The following DENND2C variants were observed in gnomAD, a reference collection of about 807,000 sequenced individuals.
DENND2C encodes the protein DENN domain-containing protein 2C.
In DENND2C, 72 loss-of-function variants were observed where a neutral mutation model predicts 112.4. The ratio of observed to expected loss-of-function variants is 0.64; its 90% confidence interval spans 0.53 to 0.78. The LOEUF is 0.78. Ranked by LOEUF, DENND2C falls within the 30% of genes least tolerant of loss-of-function variation. The pLI is 0.00. For synonymous variants in DENND2C, 329 were observed against 381.6 expected (o/e 0.86, Z 1.61); for missense variants, 992 against 1,113.8 (o/e 0.89, Z 1.56).
chr1:114,601,700 C>G, intron 12 of DENND2C, 115 bp from the exon 13 acceptor site: 3 of 834,026 alleles, frequency 3.6e-6, no homozygotes, highest in Non-Finnish European at 5.6e-6. Flanking sequence ...GTAACCAAGG[C>G]TCTCATCTTT....
intron 2 of DENND2C, among the ~76,000 whole-genome samples, chr1:114,651,354 A>T (rs960351637): frequency 1.3e-5 from 2 of 151,708 alleles, no homozygotes; most frequent in African/African-American, 4.8e-5. Flanking sequence ...CAGGAGGCTA[A>T]GGCAGGTGGA....
In DENND2C at chr1:114,608,857, T is replaced by G; in HGVS notation, c.1386A>C (p.Leu462Phe). Residue 462 changes from leucine (L) to phenylalanine (F), a missense_variant, in exon 10 of 21, where the codon TTA becomes TTC. Transcript: ENST00000393274. ...TCTTGGAAGACGGTTGCAGTTGTGC[T>G]AAGCGTTTATGGCGATCTGTAATGA... ...EYLPKNRHKR[L>F]AQLQPSSKRN... is the part of the protein sequence containing the mutation. The G allele has an allele frequency of 6.2e-7, 1 of 1,614,228 alleles. No individual in the cohort carries two copies. The highest frequency in any genetic ancestry group is 8.5e-7 in the Non-Finnish European group (1 of 1,180,036).
At chr1:114,611,937 C>A (rs887765300) in intron 8 of DENND2C, among the ~76,000 whole-genome samples, 2 of 152,056 alleles carry the variant, frequency 1.3e-5, no homozygotes, top group Admixed American at 6.6e-5. Context: ...ATTATATAAA[C>A]TTGTATCTAA....
intron 3 of DENND2C, among the ~76,000 whole-genome samples, chr1:114,638,025 C>T (rs932441711): frequency 2.0e-5 from 3 of 152,084 alleles, no homozygotes; most frequent in Admixed American, 6.6e-5. Context: ...AGCTGGAGGG[C>T]ATAGACTACC....
chr1:114,629,658 T>C (rs1172527416), intron 3 of DENND2C, among the ~76,000 whole-genome samples: 1 of 152,210 alleles, frequency 6.6e-6, no homozygotes, highest in African/African-American at 2.4e-5. Context: ...TTATTTTCTA[T>C]TGCTCTTCTG....
In DENND2C at chr1:114,584,640, A is replaced by G. The variant is rs1048617174; in HGVS notation, c.*960T>C. On this transcript the variant is annotated 3_prime_UTR_variant, in exon 21 of 21. Transcript: ENST00000393274. ...ATAAGGTTGATTTAAGGATTGGTTG[A>G]GATGATATGCATACATATACCACAG... 6.6e-6 allele frequency: 1 copy of G among 152,204 alleles called. No individual in the cohort carries two copies. Among genetic ancestry groups the G allele is most frequent in the Admixed American group, 6.5e-5 (1 of 15,274 alleles). The allele number at this position is 152,204 out of a possible 1,614,324, so 9.4% of individuals were successfully genotyped here. A position where few individuals can be genotyped will look rare whatever the true frequency, so the allele number is the denominator to read the frequency against.
rs1238078887 is a variant in DENND2C, at chr1:114,656,389, TTTTC to T, written c.-573-1632_-573-1629del. On this transcript the variant is annotated intron_variant, in intron 1 of 20. Coordinates refer to ENST00000393274, the MANE Select transcript of DENND2C (RefSeq NM_001256404.2). Reference sequence around the variant, plus strand: ...ATGTTCAGCCTGTTATAAACATTCTTTTTCTTTCTTTCTTTTTTTTTTTTTTGAG... The same window carrying T: ...ATGTTCAGCCTGTTATAAACATTCTTTTTCTTTCTTTTTTTTTTTTTTGAG... Among the ~76,000 whole-genome samples, 43 of 139,910 alleles carry T rather than the reference TTTTC, an allele frequency of 3.1e-4. No homozygotes were observed. In the East Asian group the frequency reaches 8.9e-3, roughly 29 times the overall value. The allele number at this position is 139,910 out of a possible 152,430, so 91.8% of individuals were successfully genotyped here.
chr1:114,652,081 G>A (rs1214040085), intron 2 of DENND2C, among the ~76,000 whole-genome samples: 1 of 152,218 alleles, frequency 6.6e-6, no homozygotes, highest in East Asian at 1.9e-4. Context: ...GTATTGGCAA[G>A]TGGACCTTGG....
chr1:114,640,895 AT>A (rs1656818864), intron 3 of DENND2C, among the ~76,000 whole-genome samples: 1 of 152,214 alleles, frequency 6.6e-6, no homozygotes, highest in Non-Finnish European at 1.5e-5. Flanking sequence ...ACAGCCTTTG[AT>A]TTTTTAATTA....
rs145627900 is a variant in DENND2C at position 114,600,436 on chromosome 1, A to G, written c.1957-84T>C. ...ACGCTATGGATCCTGTTATTCTTATATAAGTTAAATTCAAGAAAGGTCTGC... is the reference window on the plus strand; with the variant it reads ...ACGCTATGGATCCTGTTATTCTTATGTAAGTTAAATTCAAGAAAGGTCTGC... On this transcript the variant is annotated intron_variant, in intron 14 of 20. Coordinates refer to ENST00000393274, the MANE Select transcript of DENND2C (RefSeq NM_001256404.2). 2,205 of 1,518,796 alleles carry G rather than the reference A, an allele frequency of 1.5e-3. 22 individuals carry two copies. The African/African-American group carries it at 0.023, about 16-fold the overall frequency. The allele number at this position is 1,518,796 out of a possible 1,614,324, so 94.1% of individuals were successfully genotyped here.
At position 114,584,479 on chromosome 1, in the gene DENND2C, G is replaced by A. The variant is rs1015324571; in HGVS notation, c.*1121C>T. On this transcript the variant is annotated 3_prime_UTR_variant, in exon 21 of 21. Transcript: ENST00000393274. ...TTTAGTAGAGACAGAGTTTCACCAT[G>A]TTGCCAGGCTGGTCTCGAACTCCTG... The A allele has an allele frequency of 5.3e-5, 8 of 152,106 alleles. No homozygotes were observed. Among genetic ancestry groups the A allele is most frequent in the Non-Finnish European group, 1.0e-4 (7 of 68,070 alleles). The allele number at this position is 152,106 out of a possible 1,614,324, so 9.4% of individuals were successfully genotyped here. A position where few individuals can be genotyped will look rare whatever the true frequency, so the allele number is the denominator to read the frequency against.
chr1:114,608,691 C>A lies in DENND2C; in HGVS notation c.1552G>T (p.Gly518Cys), dbSNP rs1394165209. ...CTTGGCCTCCTTGTGCCTACCTTGC[C>A]AGGGAATTGTTGTATGACCTGGGGA... Reference protein sequence around the residue: ...YIPQVIQQFPGKDDHGYKQSK... With the variant: ...YIPQVIQQFPCKDDHGYKQSK... Residue 518 changes from glycine (G) to cysteine (C), a missense_variant, in exon 10 of 21, where the codon GGC becomes TGC. Transcript: ENST00000393274. 1.2e-6 allele frequency: 2 copies of A among 1,613,182 alleles called. No individual in the cohort carries two copies. Among genetic ancestry groups the A allele is most frequent in the Middle Eastern group, 1.7e-4 (1 of 6,050 alleles).
intron 2 of DENND2C, among the ~76,000 whole-genome samples, chr1:114,647,893 T>C (rs969335953): frequency 6.6e-6 from 1 of 152,116 alleles, no homozygotes; most frequent in African/African-American, 2.4e-5. Flanking sequence ...CTGCAAACTC[T>C]GCTTCCCAGG....
intron 20 of DENND2C, chr1:114,586,594 G>A (rs1398728064): frequency 6.6e-6 from 1 of 151,958 alleles, no homozygotes; most frequent in East Asian, 1.9e-4. Flanking sequence ...TAGCATCATG[G>A]TTTATGGTCA....
At position 114,600,885 on chromosome 1, in the gene DENND2C, C is replaced by T. The variant is rs925024580; in HGVS notation, c.1891G>A (p.Ala631Thr). 1.9e-6 allele frequency: 3 copies of T among 1,614,092 alleles called. No individual in the cohort carries two copies. Among genetic ancestry groups the T allele is most frequent in the Non-Finnish European group, 2.5e-6 (3 of 1,179,976 alleles). Residue 631 changes from alanine to threonine, a missense_variant, in exon 14 of 21, where the codon GCT becomes ACT. This residue lies in a region of DENND2C where 516 missense variants were observed against 623.6 expected (regional missense o/e 0.83). Transcript: ENST00000393274. ...VYPFMRSVME[A>T]PFPAPGRTIT... ...GTGCGTCCAGGAGCTGGGAAAGGAG[C>T]TTCCATGACACTTCGCATGAATGGG...
In DENND2C at chr1:114,585,477, T is replaced by G; in HGVS notation, c.*123A>C. On this transcript the variant is annotated 3_prime_UTR_variant, in exon 21 of 21. Coordinates refer to ENST00000393274, the MANE Select transcript of DENND2C (RefSeq NM_001256404.2). ...GAGAATCCTCCTCTAACAGCCTGAC[T>G]CGCTCTTTAACCTTTTAAAATTTCA... 9.9e-7 allele frequency: 1 copy of G among 1,013,542 alleles called. No homozygotes were observed. The allele number at this position is 1,013,542 out of a possible 1,614,324, so 62.8% of individuals were successfully genotyped here. A position where few individuals can be genotyped will look rare whatever the true frequency, so the allele number is the denominator to read the frequency against.
Position 114,594,570 on chromosome 1 carries a change from A to T in DENND2C, c.2334T>A (p.Asp778Glu). 1 of 1,612,850 alleles carries T rather than the reference A, an allele frequency of 6.2e-7. No homozygotes were observed. The highest frequency in any genetic ancestry group is 8.5e-7 in the Non-Finnish European group (1 of 1,179,430). Reference sequence around the variant, plus strand: ...GTTTTGGTGGTAGAATTTCATCCTCATCAGATACCTTAAGAAGAAAAAAAA... The same window carrying T: ...GTTTTGGTGGTAGAATTTCATCCTCTTCAGATACCTTAAGAAGAAAAAAAA... ...CADKFLQEVSDEDEILPPKLQ... is the reference protein window; with the variant it reads ...CADKFLQEVSEEDEILPPKLQ... Residue 778 changes from aspartate to glutamate, a missense_variant, in exon 18 of 21, where the codon GAT (aspartate) becomes GAA (glutamate). Physicochemically the swap from Asp to Glu is conservative, Grantham distance 45 (BLOSUM62 2). This residue lies in a region of DENND2C where 516 missense variants were observed against 623.6 expected (regional missense o/e 0.83). Transcript: ENST00000393274.
chr1:114,600,423 C>A (rs1388414065), intron 14 of DENND2C, 71 bp from the exon 15 acceptor site: 1 of 1,559,620 alleles, frequency 6.4e-7, no homozygotes, highest in Non-Finnish European at 8.8e-7. Context: ...GCTATGGATC[C>A]TGTTATTCTT....
chr1:114,651,627 T>C (rs557403282), intron 2 of DENND2C, among the ~76,000 whole-genome samples: 30 of 152,030 alleles, frequency 2.0e-4, no homozygotes, highest in Non-Finnish European at 3.8e-4. Context: ...TAATCCCAGC[T>C]ACTTGGGAGG....
Sources: allele counts gnomAD v4.1 joint callset (sites outside exome capture counted in the v4.1 genomes callset), GRCh38; gene constraint gnomAD v4.1.1; regional missense constraint gnomAD v4.1.1; transcripts MANE v1.5; gene names NCBI Gene and HGNC (gene_info 2026-07-23, HGNC 2026-07-21).